The following NFASC variants were observed in gnomAD, a reference collection of about 807,000 sequenced individuals.
The protein encoded by NFASC is neurofascin homolog.
NFASC carries 43 observed loss-of-function variants against 147.5 expected under a neutral mutation model. The observed-to-expected ratio is 0.29, with a 90% confidence interval of 0.23 to 0.38. The LOEUF is 0.38. NFASC is among the 10% of genes least tolerant of loss of function. The pLI, the probability that NFASC is intolerant of heterozygous loss-of-function variation, is 1.00. For missense variants in NFASC, 1,320 were observed against 1,689.0 expected (o/e 0.78, Z 3.83); for synonymous variants, 622 against 665.5 (o/e 0.93, Z 1.01).
intron 2 of NFASC, among the ~76,000 whole-genome samples, chr1:204,922,813 C>T (rs188091959): frequency 1.0e-3 from 152 of 152,268 alleles, no homozygotes; most frequent in African/African-American, 3.3e-3. Flanking sequence ...GCAGGACATA[C>T]GGCTGTTGAG....
At chr1:204,935,300 C>T (rs751559716) in intron 2 of NFASC, among the ~76,000 whole-genome samples, 4 of 152,150 alleles carry the variant, frequency 2.6e-5, no homozygotes, top group African/African-American at 4.8e-5. Flanking sequence ...TGAGAACAAG[C>T]GGAAGCTATT....
Position 204,980,423 on chromosome 1 carries a change from A to G in NFASC, c.2230A>G (p.Met744Val), listed in dbSNP as rs1026873139. 6 of 1,613,246 alleles carry G rather than the reference A, an allele frequency of 3.7e-6. No individual in the cohort carries two copies. Among genetic ancestry groups the G allele is most frequent in the African/African-American group, 1.3e-5 (1 of 74,878 alleles). Residue 744 changes from methionine (M) to valine (V), a missense_variant, in exon 20 of 30, where the codon ATG becomes GTG. Physicochemically the swap from Met to Val is conservative, Grantham distance 21 (BLOSUM62 1). Coordinates refer to ENST00000339876, the MANE Select transcript of NFASC (RefSeq NM_001005388.3). ...VKGEGTRKNN[M>V]EITWTPMNAT... ...GGGAGAGGGGACCAGAAAGAACAAC[A>G]TGGAGATCACGTGGACGGTAAGAGG...
At chr1:204,996,081 C>T (rs1344628835) in intron 24 of NFASC, among the ~76,000 whole-genome samples, 1 of 151,972 alleles carries the variant, frequency 6.6e-6, no homozygotes, top group Non-Finnish European at 1.5e-5. Context: ...ATTAGATCTG[C>T]GGGTAAGGAT....
At chr1:204,971,251 G>A (rs147660278) in intron 11 of NFASC, among the ~76,000 whole-genome samples, 2 of 152,202 alleles carry the variant, frequency 1.3e-5, no homozygotes, top group Admixed American at 1.3e-4. Context: ...CCCCAGAAGA[G>A]CAGATGTACA....
intron 2 of NFASC, among the ~76,000 whole-genome samples, chr1:204,936,219 T>TTTTTTTTCTTTA (rs1573336887): frequency 6.8e-6 from 1 of 146,646 alleles, no homozygotes; most frequent in Admixed American, 6.8e-5. Flanking sequence ...TTTTTTTTTT[T>TTTTTTTTCTTTA]GAGATGGAGT....
intron 24 of NFASC, among the ~76,000 whole-genome samples, chr1:204,993,584 G>C (rs1181931736): frequency 6.6e-6 from 1 of 152,162 alleles, no homozygotes; most frequent in Admixed American, 6.5e-5. Flanking sequence ...TGAGGTTGAC[G>C]CTGCCATCTA....
At chr1:204,835,372 C>A (rs1412472325) in intron 1 of NFASC, among the ~76,000 whole-genome samples, 1 of 151,964 alleles carries the variant, frequency 6.6e-6, no homozygotes, top group Non-Finnish European at 1.5e-5. Context: ...AGACTACAGG[C>A]ATCCACCACC....
chr1:204,916,574 CCT>C (rs2089297126), intron 1 of NFASC, among the ~76,000 whole-genome samples: 1 of 152,174 alleles, frequency 6.6e-6, no homozygotes, highest in East Asian at 1.9e-4. Context: ...ATTGCTGTCC[CCT>C]GACACTCTCA....
At chr1:204,929,780 C>T (rs937699857) in intron 2 of NFASC, among the ~76,000 whole-genome samples, 2 of 152,184 alleles carry the variant, frequency 1.3e-5, no homozygotes, top group African/African-American at 4.8e-5. Flanking sequence ...TATTTTCTTC[C>T]AGAGATCCCT....
intron 1 of NFASC, among the ~76,000 whole-genome samples, chr1:204,904,115 T>G (rs762764487): frequency 4.6e-5 from 7 of 152,196 alleles, no homozygotes; most frequent in Non-Finnish European, 8.8e-5. Context: ...GTTTGTTTGT[T>G]TTGAGACAGG....
chr1:204,977,420 C>T (rs1190329242), intron 16 of NFASC, among the ~76,000 whole-genome samples: 1 of 152,170 alleles, frequency 6.6e-6, no homozygotes, highest in Non-Finnish European at 1.5e-5. Flanking sequence ...TGGAGAGGCA[C>T]AGTTGCAGAG....
intron 8 of NFASC, among the ~76,000 whole-genome samples, chr1:204,961,664 GCTCA>G (rs1232722040): frequency 6.6e-6 from 1 of 152,234 alleles, no homozygotes; most frequent in Non-Finnish European, 1.5e-5. Flanking sequence ...CTTCCCCGGA[GCTCA>G]CTAACACTCC....
chr1:204,974,242 C>T lies in NFASC; in HGVS notation c.1343C>T (p.Thr448Met), dbSNP rs536030954. 12 of 1,614,146 alleles carry T rather than the reference C, an allele frequency of 7.4e-6. No individual in the cohort carries two copies. Among genetic ancestry groups the T allele is most frequent in the East Asian group, 2.2e-5 (1 of 44,878 alleles). Residue 448 changes from threonine (T) to methionine (M), a missense_variant, in exon 13 of 30, where the codon ACG becomes ATG. By Grantham distance (81) the Thr-to-Met change is moderately conservative. This residue lies in a region of NFASC where 981 missense variants were observed against 1,289.5 expected (regional missense o/e 0.76). Transcript: ENST00000339876. ...QLIRVILYNR[T>M]RLDCPFFGSP... ...ATTCGAGTGATTCTTTACAACCGGA[C>T]GCGGCTGGACTGCCCTTTCTTTGGG...
chr1:204,996,583 C>T (rs1378084909), intron 24 of NFASC, among the ~76,000 whole-genome samples: 1 of 152,208 alleles, frequency 6.6e-6, no homozygotes, highest in Non-Finnish European at 1.5e-5. Context: ...AGGCAGAACG[C>T]CGTGCAAGGC....
chr1:204,897,985 G>A (rs1260662461), intron 1 of NFASC, among the ~76,000 whole-genome samples: 3 of 151,980 alleles, frequency 2.0e-5, no homozygotes, highest in Non-Finnish European at 2.9e-5. Flanking sequence ...TGATCCACCC[G>A]CCTCAGCCTC....
intron 25 of NFASC, chr1:205,000,839 AC>A (rs2095965213): frequency 3.1e-6 from 1 of 326,462 alleles, no homozygotes; most frequent in Non-Finnish European, 5.8e-6. Flanking sequence ...AAAAAAAAAA[AC>A]AGAAAACAAA....
intron 7 of NFASC, among the ~76,000 whole-genome samples, chr1:204,955,187 C>A (rs1336478912): frequency 6.6e-6 from 1 of 152,148 alleles, no homozygotes; most frequent in Non-Finnish European, 1.5e-5. Flanking sequence ...TTGCTTACAT[C>A]TCTGGGCCTC....
At chr1:204,942,814 T>C (rs2093449397) in intron 2 of NFASC, among the ~76,000 whole-genome samples, 1 of 152,130 alleles carries the variant, frequency 6.6e-6, no homozygotes, top group Non-Finnish European at 1.5e-5. Context: ...TGGGCCCAGC[T>C]TCTGGGAAAG....
chr1:204,953,588 G>T (rs1021577188), intron 5 of NFASC, among the ~76,000 whole-genome samples: 6 of 152,122 alleles, frequency 3.9e-5, no homozygotes, highest in Non-Finnish European at 8.8e-5. Context: ...GAGCCACCGC[G>T]CCCGGCCAAA....
Sources: gnomAD v4.1 joint callset for allele counts (sites outside exome capture counted in the v4.1 genomes callset) on GRCh38, gnomAD v4.1.1 for gene constraint, gnomAD v4.1.1 regional missense constraint, MANE v1.5 for transcripts, NCBI Gene and HGNC (gene_info 2026-07-23, HGNC 2026-07-21) for gene names.